NIPAL4: variants seen among roughly 807,000 people sequenced by gnomAD.
The protein encoded by NIPAL4 is magnesium transporter NIPA4.
In NIPAL4, 21 loss-of-function variants were observed where a neutral mutation model predicts 31.6. The observed-to-expected ratio is 0.67, with a 90% confidence interval of 0.47 to 0.96. The LOEUF (loss-of-function observed/expected upper bound fraction) is 0.96, where lower values mean the gene tolerates loss of function less well. Ranked by LOEUF, NIPAL4 falls within the 40% of genes least tolerant of loss-of-function variation. The pLI, the probability that NIPAL4 is intolerant of heterozygous loss-of-function variation, is 0.00. For synonymous variants in NIPAL4, 175 were observed against 211.1 expected, an observed-to-expected ratio of 0.83 and a Z score of 1.48; for missense variants, 438 against 508.0, an observed-to-expected ratio of 0.86 and a Z score of 1.32.
At chr5:157,471,873 T>G in intron 5 of NIPAL4, 56 bp downstream of exon 5, 1 of 1,384,722 alleles carries the variant, frequency 7.2e-7, no homozygotes, top group Non-Finnish European at 1.0e-6. Context: ...CACCCCCTAC[T>G]ACCCCACAAA....
chr5:157,469,103 G>A (rs962171344), intron 4 of NIPAL4, among the ~76,000 whole-genome samples: 1 of 152,168 alleles, frequency 6.6e-6, no homozygotes, highest in Non-Finnish European at 1.5e-5. Context: ...TTGGTGCCGT[G>A]ATAGATGCAG....
At chr5:157,470,541 T>C (rs186982622) in intron 4 of NIPAL4, among the ~76,000 whole-genome samples, 54 of 152,322 alleles carry the variant, frequency 3.5e-4, no homozygotes, top group African/African-American at 1.2e-3. Flanking sequence ...TATATTTCAC[T>C]TTGCAAAGAG....
chr5:157,472,622 C>T lies in NIPAL4; in HGVS notation c.877C>T (p.Leu293=). 2 of 1,613,968 alleles carry T rather than the reference C, an allele frequency of 1.2e-6. No homozygotes were observed. The highest frequency in any genetic ancestry group is 1.7e-6 in the Non-Finnish European group (2 of 1,179,880). ...AGCACTGGACATTTTCAACACTTCC[C>T]TGGTGTTCCCCATCTACTACGTGTT... is the stretch of plus-strand genomic sequence containing the variant. ...NRALDIFNTS[L]VFPIYYVFFT... The change falls in exon 6 of 6, where the codon CTG becomes TTG. Residue 293 remains leucine (L), a synonymous_variant. Coordinates refer to ENST00000311946, the MANE Select transcript of NIPAL4 (RefSeq NM_001099287.2).
At chr5:157,461,136 C>G (rs1264463217) in intron 1 of NIPAL4, among the ~76,000 whole-genome samples, 1 of 152,202 alleles carries the variant, frequency 6.6e-6, no homozygotes, top group Non-Finnish European at 1.5e-5. Context: ...CTAACCTCTT[C>G]CCTTCTACAG....
chr5:157,463,063 G>A, intron 1 of NIPAL4, 31 bp from the exon 2 acceptor site: 1 of 1,612,474 alleles, frequency 6.2e-7, no homozygotes, highest in Non-Finnish European at 8.5e-7. Context: ...TGTCCCCAGT[G>A]TGACTCTCTC....
At position 157,469,772 on chromosome 5, in the gene NIPAL4, C is replaced by T. The variant is rs185349935; in HGVS notation, c.425+960C>T. On this transcript the variant is annotated intron_variant, in intron 4 of 5. Transcript: ENST00000311946. Reference sequence around the variant, plus strand: ...AAATTGTAGCAGACCACACCCAGTACCCATCATTTGTTTTACCATCTTGAT... The same window carrying T: ...AAATTGTAGCAGACCACACCCAGTATCCATCATTTGTTTTACCATCTTGAT... Among the ~76,000 whole-genome samples the T allele has an allele frequency of 5.9e-5, 9 of 152,248 alleles. No homozygotes were observed. The East Asian group carries it at 1.7e-3, about 29-fold the overall frequency.
chr5:157,468,974 G>A (rs1221370325), intron 4 of NIPAL4, among the ~76,000 whole-genome samples, 162 bp downstream of exon 4: 1 of 152,222 alleles, frequency 6.6e-6, no homozygotes, highest in African/African-American at 2.4e-5. Context: ...TAGACCCTGG[G>A]AATGTTTGCT....
chr5:157,463,458 T>G, intron 2 of NIPAL4, 125 bp downstream of exon 2: 1 of 1,157,468 alleles, frequency 8.6e-7, no homozygotes, highest in Non-Finnish European at 1.2e-6. Context: ...CTATCTGGAA[T>G]CCCACCTGCC....
At chr5:157,463,433 G>T (rs904574351) in intron 2 of NIPAL4, 100 bp downstream of exon 2, 1 of 1,364,334 alleles carries the variant, frequency 7.3e-7, no homozygotes, top group Non-Finnish European at 9.7e-7. Flanking sequence ...AGGTACAAAA[G>T]GCTCATTGTC....
At chr5:157,463,649 T>A (rs958918502) in intron 2 of NIPAL4, among the ~76,000 whole-genome samples, 1 of 152,134 alleles carries the variant, frequency 6.6e-6, no homozygotes, top group African/African-American at 2.4e-5. Context: ...CTGGTCTTGG[T>A]CTTACTTCCC....
chr5:157,467,202 C>A, intron 3 of NIPAL4, 97 bp downstream of exon 3: 1 of 877,410 alleles, frequency 1.1e-6, no homozygotes, highest in Non-Finnish European at 1.9e-6. Context: ...TCTAGTATGG[C>A]AAGTGTGAAT....
intron 3 of NIPAL4, 24 bp downstream of exon 3, chr5:157,467,129 T>C (rs1230124249): frequency 3.9e-6 from 6 of 1,529,400 alleles, no homozygotes; most frequent in Middle Eastern, 1.7e-4. Context: ...TTGTTACTAA[T>C]AACAGTGGCC....
At position 157,463,111 on chromosome 5, in the gene NIPAL4, T is replaced by G. The variant is rs186796263; in HGVS notation, c.55T>G (p.Tyr19Asp). ...SCENGSLLHL[Y>D]CSSQEVLCQI... ...CCATCCAGGTTCCCTGCTCCACCTC[T>G]ACTGCTCCTCCCAAGAAGTCCTGTG... The change falls in exon 2 of 6, where the codon TAC becomes GAC. Residue 19 changes from tyrosine (Y) to aspartate (D), a missense_variant. By Grantham distance (160) the Tyr-to-Asp change is radical. Transcript: ENST00000311946. 70 of 1,614,058 alleles carry G rather than the reference T, an allele frequency of 4.3e-5. No homozygotes were observed. The East Asian group carries it at 1.5e-3, about 34-fold the overall frequency.
chr5:157,469,740 C>T (rs897644123), intron 4 of NIPAL4, among the ~76,000 whole-genome samples: 14 of 152,324 alleles, frequency 9.2e-5, no homozygotes, highest in Non-Finnish European at 1.3e-4. Context: ...AACCTTGGAA[C>T]GCCGGTAAAT....
intron 1 of NIPAL4, 124 bp from the exon 2 acceptor site, chr5:157,462,970 A>G (rs1351322024): frequency 1.6e-6 from 2 of 1,222,878 alleles, no homozygotes; most frequent in East Asian, 5.0e-5. Flanking sequence ...AGGTGGAGGC[A>G]CGGTATATGG....
intron 4 of NIPAL4, among the ~76,000 whole-genome samples, chr5:157,470,143 T>A (rs1015070955): frequency 2.6e-5 from 4 of 152,208 alleles, no homozygotes; most frequent in African/African-American, 9.6e-5. Flanking sequence ...AAATAGCCAA[T>A]GTCCTGAGAT....
chr5:157,466,942 C>A, intron 2 of NIPAL4, 107 bp from the exon 3 acceptor site: 1 of 810,460 alleles, frequency 1.2e-6, no homozygotes, highest in Non-Finnish European at 2.1e-6. Flanking sequence ...AGAACCAAGC[C>A]TCAAGGAGCA....
chr5:157,467,134 G>A (rs754758356), intron 3 of NIPAL4, 29 bp downstream of exon 3: 8 of 1,521,648 alleles, frequency 5.3e-6, no homozygotes, highest in Non-Finnish European at 7.3e-6. Flanking sequence ...ACTAATAACA[G>A]TGGCCTATTG....
intron 4 of NIPAL4, 51 bp downstream of exon 4, chr5:157,468,863 T>G: frequency 7.6e-7 from 1 of 1,323,526 alleles, no homozygotes; most frequent in East Asian, 2.4e-5. Context: ...TTTCAGTTTG[T>G]TGAGGCCTGG....
Sources: allele counts gnomAD v4.1 joint callset (sites outside exome capture counted in the v4.1 genomes callset), GRCh38; gene constraint gnomAD v4.1.1; transcripts MANE v1.5; gene names NCBI Gene and HGNC (gene_info 2026-07-23, HGNC 2026-07-21).